COMMD10: variants seen among roughly 807,000 people sequenced by gnomAD.
The protein encoded by COMMD10 is COMM domain-containing protein 10.
A neutral mutation model predicts 28.9 loss-of-function variants in COMMD10; 33 were observed. The ratio of observed to expected loss-of-function variants is 1.14; its 90% CI spans 0.87 to 1.53. The LOEUF is 1.53. COMMD10 is among the 40% of genes most tolerant of loss of function. The pLI, the probability that COMMD10 is intolerant of heterozygous loss-of-function variation, is 0.00. For synonymous variants in COMMD10, 110 were observed against 81.7 expected, an observed-to-expected ratio of 1.35 and a Z score of -1.87; for missense variants, 310 against 233.4, an observed-to-expected ratio of 1.33 and a Z score of -2.14.
At chr5:116,264,087 T>G (rs1460261489) in intron 5 of COMMD10, among the ~76,000 whole-genome samples, 1 of 151,824 alleles carries the variant, frequency 6.6e-6, no homozygotes, top group Non-Finnish European at 1.5e-5. Context: ...GCAAGAGCTT[T>G]AGAGCCTTTA....
chr5:116,271,678 A>T (rs1483495188), intron 5 of COMMD10, among the ~76,000 whole-genome samples: 1 of 151,812 alleles, frequency 6.6e-6, no homozygotes, highest in Non-Finnish European at 1.5e-5. Flanking sequence ...GAAGGAGCCT[A>T]TGTCTACTTG....
At chr5:116,269,642 A>G (rs1750701813) in intron 5 of COMMD10, among the ~76,000 whole-genome samples, 1 of 151,856 alleles carries the variant, frequency 6.6e-6, no homozygotes, top group Admixed American at 6.6e-5. Context: ...AAAATACCAT[A>G]CTGATTCATC....
intron 5 of COMMD10, among the ~76,000 whole-genome samples, chr5:116,208,147 A>T (rs757719868): frequency 7.9e-5 from 12 of 152,130 alleles, no homozygotes; most frequent in Non-Finnish European, 1.6e-4. Flanking sequence ...AAGATAATGT[A>T]TGGGTTAAAC....
At chr5:116,187,851 C>A (rs909897337) in intron 5 of COMMD10, among the ~76,000 whole-genome samples, 1 of 151,682 alleles carries the variant, frequency 6.6e-6, no homozygotes, top group Non-Finnish European at 1.5e-5. Flanking sequence ...TTTCTTTATA[C>A]CTTACACTTT....
At chr5:116,211,011 TTTTA>T (rs370401514) in intron 5 of COMMD10, among the ~76,000 whole-genome samples, 120 of 152,258 alleles carry the variant, frequency 7.9e-4, no homozygotes, top group South Asian at 5.0e-3. Context: ...TTATTTCGGT[TTTTA>T]TTAATGCTTG....
intron 5 of COMMD10, among the ~76,000 whole-genome samples, chr5:116,207,606 G>T (rs1015437937): frequency 1.3e-5 from 2 of 152,006 alleles, no homozygotes; most frequent in Admixed American, 1.3e-4. Context: ...GCTCACTGCA[G>T]CCTCCGCCTC....
chr5:116,193,039 A>C (rs1426327445), intron 5 of COMMD10, among the ~76,000 whole-genome samples: 4 of 152,240 alleles, frequency 2.6e-5, no homozygotes, highest in Non-Finnish European at 5.9e-5. Context: ...TTATCAGCCA[A>C]GAATTTTGTA....
rs1271499221 is a variant in COMMD10 at position 116,197,427 on chromosome 5, G to A, written c.510+63249G>A. ...GATATGATCTTGCCCTGTTGCCCAG[G>A]CTGGAATGCAGTGGTGTGATCTTGG... On this transcript the variant is annotated intron_variant, in intron 5 of 6. Transcript: ENST00000274458. 2.6e-5 allele frequency among the ~76,000 whole-genome samples: 4 copies of A among 152,122 alleles called. No individual in the cohort carries two copies. In the East Asian group the frequency reaches 7.7e-4, roughly 29 times the overall value.
intron 5 of COMMD10, among the ~76,000 whole-genome samples, chr5:116,174,846 TC>T (rs1209445163): frequency 1.2e-4 from 19 of 152,292 alleles, no homozygotes; most frequent in African/African-American, 4.6e-4. Context: ...TATTAATGTG[TC>T]CTATTTTAAC....
intron 5 of COMMD10, among the ~76,000 whole-genome samples, chr5:116,269,367 C>T (rs1291254894): frequency 6.6e-6 from 1 of 151,800 alleles, no homozygotes; most frequent in Non-Finnish European, 1.5e-5. Context: ...TGATTTCCTG[C>T]CCCAATTTAT....
At chr5:116,275,853 C>T (rs956724506) in intron 5 of COMMD10, among the ~76,000 whole-genome samples, 4 of 151,262 alleles carry the variant, frequency 2.6e-5, no homozygotes, top group Admixed American at 1.3e-4. Flanking sequence ...TGTTAATGAG[C>T]GTACAAGTAA....
At chr5:116,222,358 A>G (rs915829277) in intron 5 of COMMD10, among the ~76,000 whole-genome samples, 2 of 152,214 alleles carry the variant, frequency 1.3e-5, no homozygotes, top group East Asian at 3.8e-4. Flanking sequence ...TTTGGTAAAA[A>G]CATGGAATCT....
intron 4 of COMMD10, among the ~76,000 whole-genome samples, chr5:116,097,078 T>C (rs1750491578): frequency 6.6e-6 from 1 of 152,126 alleles, no homozygotes; most frequent in Non-Finnish European, 1.5e-5. Flanking sequence ...TGAAAGTTTG[T>C]TTTTTTAAAG....
intron 5 of COMMD10, among the ~76,000 whole-genome samples, chr5:116,243,394 T>C (rs1163356256): frequency 6.6e-6 from 1 of 152,134 alleles, no homozygotes; most frequent in African/African-American, 2.4e-5. Flanking sequence ...CCAGAAAATA[T>C]CACCCCAGAA....
At chr5:116,160,469 A>C (rs768162549) in intron 5 of COMMD10, among the ~76,000 whole-genome samples, 1 of 152,166 alleles carries the variant, frequency 6.6e-6, no homozygotes, top group Non-Finnish European at 1.5e-5. Flanking sequence ...ATTAAATGTG[A>C]TTGATAAAGC....
intron 1 of COMMD10, among the ~76,000 whole-genome samples, chr5:116,085,981 A>C (rs1750078234): frequency 6.6e-6 from 1 of 152,250 alleles, no homozygotes; most frequent in African/African-American, 2.4e-5. Flanking sequence ...AAAGCGAGGA[A>C]AGAATGAAGA....
chr5:116,202,641 G>C (rs1748699848), intron 5 of COMMD10, among the ~76,000 whole-genome samples: 1 of 151,974 alleles, frequency 6.6e-6, no homozygotes, highest in African/African-American at 2.4e-5. Flanking sequence ...GGCCAGTGAT[G>C]ATGAGCATTT....
chr5:116,162,855 A>G (rs1752961981), intron 5 of COMMD10, among the ~76,000 whole-genome samples: 1 of 116,734 alleles, frequency 8.6e-6, no homozygotes, highest in Non-Finnish European at 1.8e-5. Flanking sequence ...TTTTGGAACT[A>G]TTTTAGATAC....
At position 116,287,806 on chromosome 5, in the gene COMMD10, A is replaced by G. The variant is rs181014607; in HGVS notation, c.511-3711A>G. Among the ~76,000 whole-genome samples the G allele has an allele frequency of 2.6e-5, 4 of 151,860 alleles. No individual in the cohort carries two copies. In the East Asian group the frequency reaches 5.8e-4, roughly 22 times the overall value. On this transcript the variant is annotated intron_variant, in intron 5 of 6. Coordinates refer to ENST00000274458, the MANE Select transcript of COMMD10 (RefSeq NM_016144.4). ...AGTTATAGTATTCTATTTCAAACTGATAACAACCTAACTCTAATCACATAT... is the reference window on the plus strand; with the variant it reads ...AGTTATAGTATTCTATTTCAAACTGGTAACAACCTAACTCTAATCACATAT...
Sources: allele counts gnomAD v4.1 joint callset (sites outside exome capture counted in the v4.1 genomes callset), GRCh38; gene constraint gnomAD v4.1.1; transcripts MANE v1.5; gene names NCBI Gene and HGNC (gene_info 2026-07-23, HGNC 2026-07-21).